RNFT2: variants seen among roughly 807,000 people sequenced by gnomAD.
RNFT2 encodes E3 ubiquitin-protein ligase RNFT2.
A neutral mutation model predicts 53.0 loss-of-function variants in RNFT2; 36 were observed. The observed-to-expected ratio is 0.68, with a 90% CI of 0.52 to 0.90. RNFT2 has a LOEUF of 0.90. Among genes scored for constraint, RNFT2 ranks in the 40% least tolerant of loss-of-function variants. The probability of loss-of-function intolerance (pLI) is 0.00; values close to 1 mark genes in which losing one functional copy is unlikely to be tolerated. For missense variants in RNFT2, 514 were observed against 585.6 expected, an observed-to-expected ratio of 0.88 and a Z score of 1.26; for synonymous variants, 260 against 253.2, an observed-to-expected ratio of 1.03 and a Z score of -0.26.
At chr12:116,751,803 G>A (rs1872265359) in intron 4 of RNFT2, among the ~76,000 whole-genome samples, 2 of 151,854 alleles carry the variant, frequency 1.3e-5, no homozygotes. Context: ...TCTGTCACCA[G>A]GCTGGAGTGC....
At chr12:116,764,472 TGGA>T (rs1872825199) in intron 5 of RNFT2, among the ~76,000 whole-genome samples, 1 of 152,288 alleles carries the variant, frequency 6.6e-6, no homozygotes, top group Admixed American at 6.5e-5. Context: ...CCATGCAGCA[TGGA>T]GGACAACCCA....
At position 116,852,174 on chromosome 12, in the gene RNFT2, T is replaced by G; in HGVS notation, c.*2726T>G. The G allele has an allele frequency of 8.5e-7, 1 of 1,172,484 alleles. No homozygotes were observed. The highest frequency in any genetic ancestry group is 1.1e-6 in the Non-Finnish European group (1 of 887,792). The allele number at this position is 1,172,484 out of a possible 1,614,324, so 72.6% of individuals were successfully genotyped here. ...TCCTCCCAAGTCTGTTCTCTTATTG[T>G]CAACCTCAGCACAACAGGCTGGCGC... On this transcript the variant is annotated 3_prime_UTR_variant, in exon 11 of 11. Transcript: ENST00000257575.
Position 116,852,118 on chromosome 12 carries a change from GA to G in RNFT2, c.*2672del. ...ATGAGATGGCACAGGTGACCACGCA[GA>G]AGCCACCAGAATCTTGCCTGCCCTA... On this transcript the variant is annotated 3_prime_UTR_variant, in exon 11 of 11. Transcript: ENST00000257575. The G allele has an allele frequency of 1.0e-6, 1 of 992,550 alleles. No individual in the cohort carries two copies. The highest frequency in any genetic ancestry group is 1.4e-6 in the Non-Finnish European group (1 of 706,738). The allele number at this position is 992,550 out of a possible 1,614,324, so 61.5% of individuals were successfully genotyped here.
chr12:116,807,317 T>C (rs1293080906), intron 7 of RNFT2, among the ~76,000 whole-genome samples: 2 of 152,132 alleles, frequency 1.3e-5, no homozygotes, highest in Non-Finnish European at 2.9e-5. Flanking sequence ...GGAGATGCCA[T>C]TAGGGACCCG....
intron 7 of RNFT2, among the ~76,000 whole-genome samples, chr12:116,805,812 G>A (rs188883643): frequency 2.6e-4 from 40 of 152,272 alleles, no homozygotes; most frequent in African/African-American, 7.5e-4. Context: ...ATTCTTCCTC[G>A]GGGAAACCTC....
At chr12:116,748,834 C>T (rs756062185) in intron 3 of RNFT2, 14 of 269,082 alleles carry the variant, frequency 5.2e-5, no homozygotes, top group Admixed American at 9.9e-5. Context: ...GGCCTGGGTT[C>T]GAATCTCCCC....
chr12:116,837,440 C>T (rs958938664), intron 10 of RNFT2, among the ~76,000 whole-genome samples: 1 of 151,978 alleles, frequency 6.6e-6, no homozygotes, highest in Non-Finnish European at 1.5e-5. Flanking sequence ...TTGGAGGAGG[C>T]ATAGCCTGGA....
intron 3 of RNFT2, among the ~76,000 whole-genome samples, chr12:116,742,266 T>C (rs950959370): frequency 2.4e-5 from 3 of 125,492 alleles, no homozygotes; most frequent in African/African-American, 8.6e-5. Flanking sequence ...AGGTGGTTTC[T>C]TTTTTTTTTT....
chr12:116,743,236 A>AAAAAAAC (rs1871718167), intron 3 of RNFT2, among the ~76,000 whole-genome samples: 1 of 113,666 alleles, frequency 8.8e-6, no homozygotes, highest in Non-Finnish European at 1.9e-5. Flanking sequence ...AAAAAAAAAA[A>AAAAAAAC]AAAAAAAACC....
At chr12:116,814,422 G>A (rs1875538373) in intron 7 of RNFT2, among the ~76,000 whole-genome samples, 1 of 152,162 alleles carries the variant, frequency 6.6e-6, no homozygotes, top group Non-Finnish European at 1.5e-5. Flanking sequence ...AGTGGTGGGG[G>A]GTAGGGAGAA....
intron 6 of RNFT2, among the ~76,000 whole-genome samples, chr12:116,771,995 T>A (rs1361988638): frequency 3.9e-5 from 6 of 152,224 alleles, no homozygotes; most frequent in Non-Finnish European, 7.3e-5. Flanking sequence ...CTTGCCAGCC[T>A]CCGATGTTTT....
At chr12:116,758,937 T>A (rs11503182) in intron 5 of RNFT2, among the ~76,000 whole-genome samples, 11,814 of 152,238 alleles carry the variant, frequency 0.078, 600 homozygotes, top group South Asian at 0.15. Context: ...TTTCCTCGAT[T>A]ATTCCCCCAA....
intron 7 of RNFT2, among the ~76,000 whole-genome samples, chr12:116,819,393 C>A (rs141276499): frequency 0.02 from 3,093 of 152,140 alleles, 110 homozygotes; most frequent in African/African-American, 0.07. Flanking sequence ...GCGCGCAGAG[C>A]GGGGCGGCCC....
chr12:116,823,787 A>C (rs1296112760), intron 7 of RNFT2, among the ~76,000 whole-genome samples: 1 of 152,216 alleles, frequency 6.6e-6, no homozygotes, highest in Non-Finnish European at 1.5e-5. Context: ...ACAGTGCTGC[A>C]GCTAACATTT....
intron 6 of RNFT2, among the ~76,000 whole-genome samples, chr12:116,775,573 C>T (rs1873397904): frequency 2.6e-5 from 4 of 152,244 alleles, no homozygotes; most frequent in Admixed American, 2.6e-4. Context: ...GTCATGTCAC[C>T]TCTCTGAGCC....
chr12:116,816,461 C>T (rs1049637448), intron 7 of RNFT2, among the ~76,000 whole-genome samples: 5 of 152,230 alleles, frequency 3.3e-5, no homozygotes, highest in African/African-American at 1.2e-4. Context: ...CTCCTCCTCC[C>T]CCTCCTCGCC....
intron 3 of RNFT2, 82 bp from the exon 4 acceptor site, chr12:116,749,759 A>G (rs1162381199): frequency 2.5e-6 from 3 of 1,218,200 alleles, no homozygotes; most frequent in East Asian, 2.5e-5. Context: ...CATAATTGAT[A>G]TTATTAGTCC....
chr12:116,756,176 A>G (rs1473042950), intron 5 of RNFT2, among the ~76,000 whole-genome samples: 1 of 151,966 alleles, frequency 6.6e-6, no homozygotes, highest in Non-Finnish European at 1.5e-5. Context: ...TTTTCACAGT[A>G]TTGATTCTAC....
intron 7 of RNFT2, among the ~76,000 whole-genome samples, chr12:116,802,835 C>T (rs1419470757): frequency 6.6e-6 from 1 of 152,130 alleles, no homozygotes; most frequent in Non-Finnish European, 1.5e-5. Flanking sequence ...TGGCTCATGC[C>T]TGTAATCCTA....
Sources: allele counts gnomAD v4.1 joint callset (sites outside exome capture counted in the v4.1 genomes callset), GRCh38; gene constraint gnomAD v4.1.1; transcripts MANE v1.5; gene names NCBI Gene and HGNC (gene_info 2026-07-23, HGNC 2026-07-21).